SLC22A4: variants seen among roughly 807,000 people sequenced by gnomAD.
The protein encoded by SLC22A4 is solute carrier family 22 member 4, also known as ET transporter.
A neutral mutation model predicts 56.6 loss-of-function variants in SLC22A4; 39 were observed. The observed-to-expected ratio is 0.69, with a 90% CI of 0.53 to 0.90. The LOEUF (loss-of-function observed/expected upper bound fraction) is 0.90. Among genes scored for constraint, SLC22A4 ranks in the 40% least tolerant of loss-of-function variants. The pLI is 0.00. For synonymous variants in SLC22A4, 241 were observed against 281.4 expected, an observed-to-expected ratio of 0.86 and a Z score of 1.44; for missense variants, 594 against 696.5, an observed-to-expected ratio of 0.85 and a Z score of 1.66.
intron 1 of SLC22A4, among the ~76,000 whole-genome samples, chr5:132,296,806 C>G (rs934495738): frequency 6.6e-6 from 1 of 152,252 alleles, no homozygotes. Context: ...CTGGGCTGAC[C>G]TGTCTGCTTT....
intron 8 of SLC22A4, among the ~76,000 whole-genome samples, chr5:132,339,424 A>G (rs1253286362): frequency 6.6e-6 from 1 of 151,734 alleles, no homozygotes; most frequent in Non-Finnish European, 1.5e-5. Context: ...CTGGTGAGAA[A>G]TGCAGACACA....
chr5:132,323,933 C>G (rs895064008), intron 4 of SLC22A4, among the ~76,000 whole-genome samples: 1 of 152,180 alleles, frequency 6.6e-6, no homozygotes, highest in Non-Finnish European at 1.5e-5. Flanking sequence ...TGATTCACAC[C>G]TGTAATCCCA....
intron 5 of SLC22A4, among the ~76,000 whole-genome samples, chr5:132,327,620 G>T (rs1028734154): frequency 1.3e-5 from 2 of 152,188 alleles, no homozygotes; most frequent in Non-Finnish European, 1.5e-5. Flanking sequence ...TTAGCAAATA[G>T]CAAGCGTTCA....
chr5:132,343,771 G>A lies in SLC22A4; in HGVS notation c.1592G>A (p.Gly531Glu). 3 of 1,603,740 alleles carry A rather than the reference G, an allele frequency of 1.9e-6. No individual in the cohort carries two copies. Among genetic ancestry groups the A allele is most frequent in the Non-Finnish European group, 2.6e-6 (3 of 1,171,260 alleles). Residue 531 changes from glycine to glutamate, a missense_variant, in exon 10 of 10, where the codon GGG (glycine) becomes GAG (glutamate). Physicochemically the swap from Gly to Glu is moderately conservative, Grantham distance 98. Transcript: ENST00000200652. ...TATTTTATTTTCAGGTTCAGATCTGGGAAAAAAACAAGAGACTCAATGGAG... is the reference window on the plus strand; with the variant it reads ...TATTTTATTTTCAGGTTCAGATCTGAGAAAAAAACAAGAGACTCAATGGAG... ...QMQKVKWFRSGKKTRDSMETE... is the reference protein window; with the variant it reads ...QMQKVKWFRSEKKTRDSMETE...
At chr5:132,313,540 T>A in intron 2 of SLC22A4, 74 bp from the exon 3 acceptor site, 1 of 1,357,692 alleles carries the variant, frequency 7.4e-7, no homozygotes, top group Non-Finnish European at 1.1e-6. Context: ...TCTGCATTGA[T>A]GCCTGACTCA....
chr5:132,332,774 C>T (rs3805676), intron 6 of SLC22A4, among the ~76,000 whole-genome samples: 9 of 140,218 alleles, frequency 6.4e-5, no homozygotes, highest in African/African-American at 2.2e-4. Flanking sequence ...ACACGATGAT[C>T]GTCAGAACTG....
At chr5:132,326,984 G>A (rs368410469) in intron 4 of SLC22A4, among the ~76,000 whole-genome samples, 15 of 152,304 alleles carry the variant, frequency 9.8e-5, no homozygotes, top group African/African-American at 3.6e-4. Flanking sequence ...TATAAGTTTT[G>A]GATGAACTTC....
intron 1 of SLC22A4, among the ~76,000 whole-genome samples, chr5:132,302,559 G>A (rs1487134809): frequency 6.6e-6 from 1 of 152,220 alleles, no homozygotes; most frequent in Non-Finnish European, 1.5e-5. Context: ...TGACCCACAT[G>A]CTCTAGCAAG....
intron 1 of SLC22A4, among the ~76,000 whole-genome samples, chr5:132,308,558 C>T (rs1016578407): frequency 6.6e-6 from 1 of 152,048 alleles, no homozygotes; most frequent in African/African-American, 2.4e-5. Flanking sequence ...GCACTCCACA[C>T]ACTGTTACTG....
chr5:132,301,627 G>T (rs1016800167), intron 1 of SLC22A4, among the ~76,000 whole-genome samples: 2 of 152,202 alleles, frequency 1.3e-5, no homozygotes, highest in East Asian at 1.9e-4. Context: ...GAAGGATAAG[G>T]CCTCTTCCCC....
intron 5 of SLC22A4, among the ~76,000 whole-genome samples, 174 bp from the exon 6 acceptor site, chr5:132,331,582 T>C (rs1750860637): frequency 6.6e-6 from 1 of 152,220 alleles, no homozygotes; most frequent in Admixed American, 6.5e-5. Context: ...CATTTTAAAG[T>C]GTCAGAGTAA....
chr5:132,304,145 TCAAAA>T (rs1749970015), intron 1 of SLC22A4, among the ~76,000 whole-genome samples: 1 of 151,518 alleles, frequency 6.6e-6, no homozygotes, highest in African/African-American at 2.4e-5. Context: ...CCTTCTGGAG[TCAAAA>T]CAAACCTTAT....
At chr5:132,316,773 C>T (rs1750370238) in intron 3 of SLC22A4, among the ~76,000 whole-genome samples, 1 of 152,166 alleles carries the variant, frequency 6.6e-6, no homozygotes, top group South Asian at 2.1e-4. Context: ...AATTTAACTA[C>T]ATCAATGATG....
rs184009645 is a variant in SLC22A4, at chr5:132,319,130, C to T, written c.653-3054C>T. ...CAGCCTGGCCAACATGGCAAAACCC[C>T]GTCTCTACTAAAAATACAAAAATTA... On this transcript the variant is annotated intron_variant, in intron 3 of 9. Transcript: ENST00000200652. Among the ~76,000 whole-genome samples, 708 of 151,978 alleles carry T rather than the reference C, an allele frequency of 4.7e-3. 2 individuals carry two copies. Among genetic ancestry groups the T allele is most frequent in the Non-Finnish European group, 7.8e-3 (529 of 67,956 alleles).
chr5:132,300,761 G>A (rs909573146), intron 1 of SLC22A4, among the ~76,000 whole-genome samples: 7 of 152,168 alleles, frequency 4.6e-5, no homozygotes, highest in Non-Finnish European at 5.9e-5. Context: ...TTACCCCTGC[G>A]GGAGGAGTGC....
intron 1 of SLC22A4, among the ~76,000 whole-genome samples, chr5:132,307,312 G>C (rs1750065745): frequency 1.3e-5 from 2 of 152,172 alleles, no homozygotes; most frequent in Non-Finnish European, 2.9e-5. Flanking sequence ...ATAACTATGA[G>C]AGGATACTAT....
chr5:132,294,808 C>T lies in SLC22A4; in HGVS notation c.192C>T (p.Asn64=). 2.5e-6 allele frequency: 4 copies of T among 1,612,732 alleles called. No homozygotes were observed. The highest frequency in any genetic ancestry group is 3.4e-6 in the Non-Finnish European group (4 of 1,179,852). The change falls in exon 1 of 10, where the codon AAC becomes AAT. Residue 64 remains asparagine (N), a synonymous_variant. Transcript: ENST00000200652. This position sits in a 1 kb window ranked among gnomAD's most constrained non-coding sequence, Gnocchi z 5.6. ...CGAACCTGAGCAGCGCCTGGCGCAA[C>T]AACAGTGTCCCGCTGCGGCTGCGGG... The part of the protein sequence containing the change: ...DAANLSSAWR[N]NSVPLRLRDG...
rs937571389 is a variant in SLC22A4, at chr5:132,294,477, C to T, written c.-140C>T. The T allele has an allele frequency of 1.6e-6, 2 of 1,219,524 alleles. No homozygotes were observed. Among genetic ancestry groups the T allele is most frequent in the Middle Eastern group, 2.7e-4 (1 of 3,690 alleles). The allele number at this position is 1,219,524 out of a possible 1,614,324, so 75.5% of individuals were successfully genotyped here. A position where few individuals can be genotyped will look rare whatever the true frequency, so the allele number is the denominator to read the frequency against. On this transcript the variant is annotated 5_prime_UTR_variant, in exon 1 of 10. Coordinates refer to ENST00000200652, the MANE Select transcript of SLC22A4 (RefSeq NM_003059.3). The surrounding 1 kb of genome is among the most constrained non-coding windows in gnomAD (Gnocchi z 5.6). ...CCTGTTTCCCAGGAACGGTCCCCGGCTTCGCGCCCCAATTTCTAACAGCCT... is the reference window on the plus strand; with the variant it reads ...CCTGTTTCCCAGGAACGGTCCCCGGTTTCGCGCCCCAATTTCTAACAGCCT...
At chr5:132,296,705 T>G (rs1749785084) in intron 1 of SLC22A4, among the ~76,000 whole-genome samples, 1 of 152,238 alleles carries the variant, frequency 6.6e-6, no homozygotes, top group East Asian at 1.9e-4. Context: ...CAGCTGAGAC[T>G]GGGGGCCAGC....
Sources: allele counts gnomAD v4.1 joint callset (sites outside exome capture counted in the v4.1 genomes callset), GRCh38; gene constraint gnomAD v4.1.1; non-coding constraint Gnocchi (gnomAD v3.1); transcripts MANE v1.5; gene names NCBI Gene and HGNC (gene_info 2026-07-23, HGNC 2026-07-21).